AMZ1: variants seen among roughly 807,000 people sequenced by gnomAD.
AMZ1 encodes the protein archaemetzincin-1.
AMZ1 carries 39 observed loss-of-function variants against 29.9 expected under a neutral mutation model. The ratio of observed to expected loss-of-function variants is 1.30; its 90% CI spans 1.01 to 1.70. The LOEUF (loss-of-function observed/expected upper bound fraction) is 1.70. AMZ1 is among the 40% of genes most tolerant of loss of function. AMZ1 has a pLI of 0.00. For missense variants in AMZ1, 1,041 were observed against 680.6 expected (o/e 1.53, Z -5.89); for synonymous variants, 458 against 304.0 (o/e 1.51, Z -5.27).
intron 4 of AMZ1, among the ~76,000 whole-genome samples, chr7:2,739,761 C>T (rs1790406325): frequency 6.6e-6 from 1 of 152,142 alleles, no homozygotes. Flanking sequence ...GCAACCTCTG[C>T]CTCCTGGTTC....
intron 4 of AMZ1, among the ~76,000 whole-genome samples, chr7:2,734,674 C>T (rs1293590129): frequency 6.6e-6 from 1 of 152,216 alleles, no homozygotes; most frequent in Admixed American, 6.5e-5. Context: ...GGGAGGAGCC[C>T]ACCTTCCTAC....
intron 1 of AMZ1, 56 bp from the exon 2 acceptor site, chr7:2,700,178 G>T (rs1271250191): frequency 1.0e-5 from 5 of 498,720 alleles, no homozygotes; most frequent in Non-Finnish European, 1.8e-5. Flanking sequence ...CCTTGCCTGG[G>T]ACATCGGGCC....
chr7:2,742,381 G>A (rs980725049), intron 4 of AMZ1, among the ~76,000 whole-genome samples: 1 of 152,178 alleles, frequency 6.6e-6, no homozygotes, highest in Non-Finnish European at 1.5e-5. Context: ...GATGTCTCCA[G>A]TGTTTAACAT....
Position 2,717,706 on chromosome 7 carries a change from C to T in AMZ1, c.*4828C>T, listed in dbSNP as rs987818783. Among the ~76,000 whole-genome samples the T allele has an allele frequency of 2.0e-5, 3 of 152,178 alleles. No homozygotes were observed. In the South Asian group the frequency reaches 6.2e-4, roughly 32 times the overall value. On this transcript the variant is annotated 3_prime_UTR_variant, in exon 7 of 7. Coordinates refer to ENST00000683327, the MANE Select transcript of AMZ1 (RefSeq NM_001384743.1). ...AACGCTGTTAAAAACAGATGCAGAT[C>T]GCGGGTGGAGACGGCCGGCCGAGCC...
intron 4 of AMZ1, among the ~76,000 whole-genome samples, chr7:2,726,983 G>A (rs997008840): frequency 3.3e-5 from 5 of 152,230 alleles, no homozygotes; most frequent in African/African-American, 7.2e-5. Context: ...TGGAGAGCGA[G>A]GCCTCTCATG....
chr7:2,731,163 A>G lies in AMZ1; in HGVS notation n.550+21347A>G, dbSNP rs749608326. Reference sequence around the variant, plus strand: ...CGTGGGGGCTGCTCAACGACGACAAACCCCGGGGCTTCCTCGCTCACTGCA... The same window carrying G: ...CGTGGGGGCTGCTCAACGACGACAAGCCCCGGGGCTTCCTCGCTCACTGCA... On this transcript the variant is annotated intron_variant and non_coding_transcript_variant, in intron 4 of 4. Transcript: ENST00000489665. The surrounding 1 kb of genome is among the most constrained non-coding windows in gnomAD (Gnocchi z 6.0). The G allele has an allele frequency of 5.7e-6, 9 of 1,572,044 alleles. No homozygotes were observed. In the African/African-American group the frequency reaches 6.8e-5, roughly 12 times the overall value.
chr7:2,732,919 T>G (rs1438874120), intron 4 of AMZ1, among the ~76,000 whole-genome samples: 1 of 152,204 alleles, frequency 6.6e-6, no homozygotes, highest in Non-Finnish European at 1.5e-5. Flanking sequence ...AAAATCAACA[T>G]GAAAACATTA....
chr7:2,689,848 G>A (rs982226801), intron 1 of AMZ1, among the ~76,000 whole-genome samples: 1 of 152,208 alleles, frequency 6.6e-6, no homozygotes, highest in Non-Finnish European at 1.5e-5. Flanking sequence ...GTGCCAGAGG[G>A]TGCTGCGAAG....
chr7:2,706,499 A>G (rs958813149), intron 3 of AMZ1, among the ~76,000 whole-genome samples: 1 of 152,148 alleles, frequency 6.6e-6, no homozygotes, highest in African/African-American at 2.4e-5. Context: ...TTCTTAACCA[A>G]GGTTTTGGCA....
chr7:2,692,072 A>G (rs1353915293), intron 1 of AMZ1, among the ~76,000 whole-genome samples: 1 of 152,216 alleles, frequency 6.6e-6, no homozygotes, highest in African/African-American at 2.4e-5. Flanking sequence ...GCCGGTGAGC[A>G]GGTCATGTCA....
intron 6 of AMZ1, among the ~76,000 whole-genome samples, chr7:2,710,468 C>T (rs928654060): frequency 3.3e-5 from 5 of 152,228 alleles, no homozygotes; most frequent in East Asian, 3.9e-4. Flanking sequence ...AATGAAACCG[C>T]GCTGGAAAGC....
intron 1 of AMZ1, among the ~76,000 whole-genome samples, chr7:2,696,695 G>C (rs1787768090): frequency 6.6e-6 from 1 of 151,812 alleles, no homozygotes; most frequent in South Asian, 2.1e-4. Context: ...AGACCAACCT[G>C]GCCAACATGG....
In AMZ1 at chr7:2,712,430, C is replaced by T. The variant is rs777461868; in HGVS notation, c.1049C>T (p.Ser350Leu). 4.5e-5 allele frequency: 73 copies of T among 1,611,790 alleles called. No homozygotes were observed. The highest frequency in any genetic ancestry group is 4.5e-5 in the Non-Finnish European group (53 of 1,179,704). The change falls in exon 7 of 7, where the codon TCG becomes TTG. Residue 350 changes from serine to leucine, a missense_variant. Physicochemically the swap from Ser to Leu is moderately radical, Grantham distance 145. Coordinates refer to ENST00000683327, the MANE Select transcript of AMZ1 (RefSeq NM_001384743.1). Reference protein sequence around the residue: ...WEDTPPASADSGMCCESDSEP... With the variant: ...WEDTPPASADLGMCCESDSEP... Reference sequence around the variant, plus strand: ...GACACCCCGCCTGCCAGCGCCGACTCGGGCATGTGCTGTGAGAGTGACTCG... The same window carrying T: ...GACACCCCGCCTGCCAGCGCCGACTTGGGCATGTGCTGTGAGAGTGACTCG...
At chr7:2,726,454 G>A (rs1298406852) in intron 4 of AMZ1, among the ~76,000 whole-genome samples, 5 of 152,174 alleles carry the variant, frequency 3.3e-5, no homozygotes, top group Admixed American at 2.0e-4. Context: ...CAGGCCTGGC[G>A]GCTCAGCACA....
intron 4 of AMZ1, among the ~76,000 whole-genome samples, chr7:2,748,089 G>A (rs1790855493): frequency 6.6e-6 from 1 of 150,780 alleles, no homozygotes; most frequent in Middle Eastern, 3.4e-3. Context: ...ACTGCCCAAG[G>A]TAATTTATAG....
intron 4 of AMZ1, among the ~76,000 whole-genome samples, chr7:2,742,630 C>G (rs1213428869): frequency 1.3e-5 from 2 of 152,156 alleles, no homozygotes; most frequent in Non-Finnish European, 2.9e-5. Flanking sequence ...GTTCTAAAGT[C>G]AGCTGTCAAT....
upstream of AMZ1, among the ~76,000 whole-genome samples, chr7:2,685,441 G>A (rs558480466): frequency 4.0e-5 from 6 of 151,660 alleles, no homozygotes; most frequent in South Asian, 4.2e-4. Context: ...ACCTGTAATC[G>A]CAGCTACTTG....
chr7:2,709,438 T>TGGCCTCACCAG (rs1788603906), intron 5 of AMZ1, among the ~76,000 whole-genome samples, 194 bp downstream of exon 5: 1 of 151,840 alleles, frequency 6.6e-6, no homozygotes, highest in East Asian at 1.9e-4. Flanking sequence ...CTATCCTGTG[T>TGGCCTCACCAG]GGCCTCCCAC....
At chr7:2,746,336 G>T (rs1790762144) in intron 4 of AMZ1, among the ~76,000 whole-genome samples, 1 of 152,206 alleles carries the variant, frequency 6.6e-6, no homozygotes, top group Admixed American at 6.5e-5. Flanking sequence ...TCAGACCACA[G>T]TGCAATCAAA....
Sources: gnomAD v4.1 joint callset for allele counts (sites outside exome capture counted in the v4.1 genomes callset) on GRCh38, gnomAD v4.1.1 for gene constraint, Gnocchi (gnomAD v3.1) non-coding constraint, MANE v1.5 for transcripts, NCBI Gene and HGNC (gene_info 2026-07-23, HGNC 2026-07-21) for gene names.